The following SUPT20H variants were observed in gnomAD, a reference collection of about 807,000 sequenced individuals.
The protein encoded by SUPT20H is SPT20 homolog, SAGA complex component, also known as transcription factor SPT20 homolog.
In SUPT20H, 82 loss-of-function variants were observed where a neutral mutation model predicts 122.8. That is an observed-to-expected ratio of 0.67 (90% CI 0.56 to 0.80). SUPT20H has a LOEUF of 0.80. Ranked by LOEUF, SUPT20H falls within the 30% of genes least tolerant of loss-of-function variation. The pLI is 0.00. For synonymous variants in SUPT20H, 291 were observed against 313.0 expected (o/e 0.93, Z 0.74); for missense variants, 831 against 921.6 (o/e 0.90, Z 1.27).
intron 22 of SUPT20H, among the ~76,000 whole-genome samples, chr13:37,018,923 C>G (rs1281369689): frequency 1.3e-5 from 2 of 152,104 alleles, no homozygotes; most frequent in Admixed American, 6.6e-5. Context: ...TGGTGGGATT[C>G]TAGGTGTGAG....
chr13:37,021,117 T>C (rs972884426), intron 21 of SUPT20H, among the ~76,000 whole-genome samples: 1 of 152,218 alleles, frequency 6.6e-6, no homozygotes, highest in African/African-American at 2.4e-5. Context: ...TTGCCTCTTG[T>C]ACACAATGTA....
Position 37,033,581 on chromosome 13 carries a change from T to G in SUPT20H, c.575A>C (p.Lys192Thr), listed in dbSNP as rs760483820. ...SDNHKWTQED[K>T]LLLESQLILA... ...GATGAGCTGGCTCTCAAGCAAAAGT[T>G]TGTCTTCCTGAAATGTGTAAGAGCA... The change falls in exon 10 of 26, where the codon AAA becomes ACA. Residue 192 changes from lysine to threonine, a missense_variant. Coordinates refer to ENST00000350612, the MANE Select transcript of SUPT20H (RefSeq NM_001014286.3). The G allele has an allele frequency of 6.2e-7, 1 of 1,613,068 alleles. No individual in the cohort carries two copies. Among genetic ancestry groups the G allele is most frequent in the South Asian group, 1.1e-5 (1 of 90,802 alleles).
At chr13:37,029,625 A>G in intron 13 of SUPT20H, 140 bp downstream of exon 13, 1 of 627,346 alleles carries the variant, frequency 1.6e-6, no homozygotes, top group East Asian at 3.3e-5. Flanking sequence ...TTCTTCTTGT[A>G]ATAAACTGAA....
intron 23 of SUPT20H, chr13:37,012,880 CAA>C (rs200080639): frequency 1.3e-5 from 2 of 149,450 alleles, no homozygotes; most frequent in East Asian, 3.9e-4. Context: ...CACAATTACT[CAA>C]AAAAAAAGAG....
chr13:37,040,194 G>A (rs2065224328), intron 9 of SUPT20H: 1 of 437,168 alleles, frequency 2.3e-6, no homozygotes, highest in Non-Finnish European at 4.1e-6. Flanking sequence ...AGGCCAGCTT[G>A]ACCTTAAAAT....
chr13:37,054,072 A>G (rs1363961411), intron 1 of SUPT20H, among the ~76,000 whole-genome samples: 1 of 152,244 alleles, frequency 6.6e-6, no homozygotes, highest in Non-Finnish European at 1.5e-5. Flanking sequence ...AACCAGGAAG[A>G]AGTTGAATCT....
intron 3 of SUPT20H, among the ~76,000 whole-genome samples, 182 bp from the exon 4 acceptor site, chr13:37,048,118 T>C (rs1334707662): frequency 6.6e-6 from 1 of 152,216 alleles, no homozygotes; most frequent in Non-Finnish European, 1.5e-5. Context: ...AAATTTGAAC[T>C]GCACCACGAT....
chr13:37,028,240 G>A lies in SUPT20H; in HGVS notation c.1059C>T (p.Thr353=), dbSNP rs374578885. 287 of 1,613,056 alleles carry A rather than the reference G, an allele frequency of 1.8e-4. No homozygotes were observed. Among genetic ancestry groups the A allele is most frequent in the Non-Finnish European group, 2.3e-4 (272 of 1,179,666 alleles). Residue 353 remains threonine (T), a synonymous_variant, in exon 14 of 26, where the codon ACC becomes ACT. Coordinates refer to ENST00000350612, the MANE Select transcript of SUPT20H (RefSeq NM_001014286.3). ...AGTQYQKTKL[T]ILQSLGDPLY... is the part of the protein sequence containing the mutation. ...GTGGATCTCCAAGCGACTGCAAGAT[G>A]GTCAGCTTTGTTTTCTGATACTGAG...
rs150093952 is a variant in SUPT20H at position 37,011,354 on chromosome 13, T to C, written c.2099-699A>G. ...TCACAATTGGTCTGATAAAGGTATATGATTATATAAACTTCTATTTGGAAA... is the reference window on the plus strand; with the variant it reads ...TCACAATTGGTCTGATAAAGGTATACGATTATATAAACTTCTATTTGGAAA... On this transcript the variant is annotated intron_variant, in intron 24 of 25. Transcript: ENST00000350612. Among the ~76,000 whole-genome samples the C allele has an allele frequency of 3.5e-3, 531 of 152,346 alleles. 3 individuals carry two copies. In the Middle Eastern group the frequency reaches 0.044, roughly 13 times the overall value.
rs531200401 is a variant in SUPT20H at position 37,052,548 on chromosome 13, T to G, written c.-93-965A>C. On this transcript the variant is annotated intron_variant, in intron 1 of 25. Transcript: ENST00000350612. ...CAAGATGGAATAAAGACTTACAACA[T>G]AAAACCATAAAACCATAAACCATAA... 1.4e-4 allele frequency among the ~76,000 whole-genome samples: 21 copies of G among 151,794 alleles called. 1 individual carries two copies. The South Asian group carries it at 4.2e-3, about 30-fold the overall frequency.
Position 37,009,622 on chromosome 13 carries a change from G to T in SUPT20H, c.*50C>A. The T allele has an allele frequency of 6.2e-7, 1 of 1,605,982 alleles. No homozygotes were observed. Among genetic ancestry groups the T allele is most frequent in the South Asian group, 1.1e-5 (1 of 90,466 alleles). ...CAAAAAGTAGAAACTCAATTCTTTTGATTCAGTGCTCTTGTGTTTTTAAAA... is the reference window on the plus strand; with the variant it reads ...CAAAAAGTAGAAACTCAATTCTTTTTATTCAGTGCTCTTGTGTTTTTAAAA... On this transcript the variant is annotated 3_prime_UTR_variant, in exon 26 of 26. Transcript: ENST00000350612.
intron 1 of SUPT20H, among the ~76,000 whole-genome samples, chr13:37,056,113 C>G (rs2068946655): frequency 6.6e-6 from 1 of 152,146 alleles, no homozygotes; most frequent in Non-Finnish European, 1.5e-5. Context: ...AGTCAGGAAA[C>G]AACAGGTGCT....
chr13:37,033,720 C>A (rs2063819715), intron 9 of SUPT20H, 132 bp from the exon 10 acceptor site: 4 of 986,700 alleles, frequency 4.1e-6, no homozygotes, highest in Non-Finnish European at 5.5e-6. Context: ...ATTTCAAGTT[C>A]CAATGTTAGT....
intron 2 of SUPT20H, among the ~76,000 whole-genome samples, chr13:37,051,003 A>G (rs530659196): frequency 6.6e-6 from 1 of 152,194 alleles, no homozygotes; most frequent in South Asian, 2.1e-4. Context: ...TTAAATGCCT[A>G]CTCCTAACTA....
chr13:37,029,690 C>G (rs2062961119), intron 13 of SUPT20H, 75 bp downstream of exon 13: 38 of 1,342,826 alleles, frequency 2.8e-5, no homozygotes, highest in Non-Finnish European at 3.9e-5. Flanking sequence ...GGCAATTGCA[C>G]TTTATGTTTA....
At chr13:37,043,195 T>G (rs988252780) in intron 7 of SUPT20H, among the ~76,000 whole-genome samples, 2 of 152,206 alleles carry the variant, frequency 1.3e-5, no homozygotes, top group African/African-American at 4.8e-5. Flanking sequence ...GGGATGGATG[T>G]CTATAAACAG....
chr13:37,037,079 C>T (rs573107823), intron 9 of SUPT20H, among the ~76,000 whole-genome samples: 1 of 152,086 alleles, frequency 6.6e-6, no homozygotes, highest in Admixed American at 6.5e-5. Flanking sequence ...CACCTATAGT[C>T]CCAGCTACTC....
At chr13:37,014,117 C>T (rs925937777) in intron 23 of SUPT20H, among the ~76,000 whole-genome samples, 18 of 151,794 alleles carry the variant, frequency 1.2e-4, no homozygotes, top group African/African-American at 1.7e-4. Context: ...TGAAAAAAGA[C>T]GTACTAAGCT....
intron 7 of SUPT20H, among the ~76,000 whole-genome samples, chr13:37,043,599 C>T (rs1403690226): frequency 2.0e-5 from 3 of 151,850 alleles, no homozygotes; most frequent in African/African-American, 4.8e-5. Flanking sequence ...GTTAAATATC[C>T]GACAATAAGC....
Sources: allele counts gnomAD v4.1 joint callset (sites outside exome capture counted in the v4.1 genomes callset), GRCh38; gene constraint gnomAD v4.1.1; transcripts MANE v1.5; gene names NCBI Gene and HGNC (gene_info 2026-07-23, HGNC 2026-07-21).